SCD5: variants seen among roughly 807,000 people sequenced by gnomAD.
SCD5 encodes stearoyl-CoA desaturase 5, also known as acyl-CoA-desaturase 4.
Under a neutral mutation model 30.4 loss-of-function variants are expected in SCD5, and 20 were observed. That is an observed-to-expected ratio of 0.66 (90% CI 0.46 to 0.96). The LOEUF (loss-of-function observed/expected upper bound fraction) is 0.96, where lower values mean the gene tolerates loss of function less well. Among genes scored for constraint, SCD5 ranks in the 40% least tolerant of loss-of-function variants. SCD5 has a pLI of 0.00. For synonymous variants in SCD5, 173 were observed against 176.4 expected (o/e 0.98, Z 0.16); for missense variants, 381 against 443.3 (o/e 0.86, Z 1.26).
intron 1 of SCD5, among the ~76,000 whole-genome samples, chr4:82,774,088 CAA>C (rs61709785): frequency 0.14 from 12,820 of 91,354 alleles, 548 homozygotes; most frequent in East Asian, 0.19. Context: ...GACTCCATCT[CAA>C]AAAAAAAAAA....
chr4:82,735,517 GATACACGACA>G, intron 1 of SCD5, among the ~76,000 whole-genome samples: 1 of 152,310 alleles, frequency 6.6e-6, no homozygotes, highest in Non-Finnish European at 1.5e-5. Context: ...TAATCCTACA[GATACACGACA>G]ATAAACGACG....
chr4:82,795,195 G>A (rs756502718), intron 1 of SCD5, among the ~76,000 whole-genome samples: 4 of 152,204 alleles, frequency 2.6e-5, no homozygotes, highest in Non-Finnish European at 5.9e-5. Context: ...CCTGCTGGGT[G>A]CACTGCATAG....
At chr4:82,707,909 T>C (rs1012448488) in intron 1 of SCD5, among the ~76,000 whole-genome samples, 2 of 152,220 alleles carry the variant, frequency 1.3e-5, no homozygotes, top group African/African-American at 2.4e-5. Context: ...AAAATAAATA[T>C]GTTTTGTTTT....
intron 2 of SCD5, among the ~76,000 whole-genome samples, chr4:82,693,980 G>A (rs893570032): frequency 2.6e-5 from 4 of 152,232 alleles, no homozygotes; most frequent in Admixed American, 6.5e-5. Flanking sequence ...GGCAGGGTGC[G>A]TGGCACCCTA....
At chr4:82,663,436 C>G (rs555853453) in intron 3 of SCD5, among the ~76,000 whole-genome samples, 1 of 152,150 alleles carries the variant, frequency 6.6e-6, no homozygotes, top group Admixed American at 6.5e-5. Flanking sequence ...GACCCAGGAC[C>G]CCCTCTGCCA....
intron 1 of SCD5, among the ~76,000 whole-genome samples, chr4:82,783,620 A>G (rs910524999): frequency 1.3e-5 from 2 of 152,136 alleles, no homozygotes; most frequent in African/African-American, 4.8e-5. Flanking sequence ...CCTGACCAAC[A>G]TGGAGAAACC....
chr4:82,746,270 A>G (rs1432612086), intron 1 of SCD5, among the ~76,000 whole-genome samples: 1 of 152,214 alleles, frequency 6.6e-6, no homozygotes, highest in African/African-American at 2.4e-5. Context: ...GAACCAGAGG[A>G]AAATACTCAA....
intron 1 of SCD5, among the ~76,000 whole-genome samples, chr4:82,732,265 G>C (rs992499167): frequency 5.3e-5 from 8 of 151,964 alleles, no homozygotes; most frequent in African/African-American, 1.9e-4. Context: ...GCTAATTTTT[G>C]TATGTTTTTA....
intron 1 of SCD5, among the ~76,000 whole-genome samples, chr4:82,761,756 G>A (rs1721375620): frequency 6.7e-6 from 1 of 149,850 alleles, no homozygotes; most frequent in Non-Finnish European, 1.5e-5. Context: ...ACAGTCCCCA[G>A]AGTGTGATAT....
At chr4:82,641,695 TCAAG>T (rs1727550701) in intron 3 of SCD5, among the ~76,000 whole-genome samples, 1 of 151,998 alleles carries the variant, frequency 6.6e-6, no homozygotes, top group Non-Finnish European at 1.5e-5. Context: ...TAATGGGGGA[TCAAG>T]TTTGGAGGGT....
At chr4:82,756,357 C>T (rs1227845501) in intron 1 of SCD5, among the ~76,000 whole-genome samples, 1 of 152,192 alleles carries the variant, frequency 6.6e-6, no homozygotes, top group Non-Finnish European at 1.5e-5. Context: ...CTGTGAGTCC[C>T]AGTTGGTTAC....
intron 1 of SCD5, among the ~76,000 whole-genome samples, chr4:82,789,443 G>A (rs1312272008): frequency 6.6e-6 from 1 of 152,210 alleles, no homozygotes; most frequent in Non-Finnish European, 1.5e-5. Context: ...ACCTGGAGAT[G>A]TCGTTAAAAT....
At chr4:82,676,159 T>C (rs938437946) in intron 3 of SCD5, among the ~76,000 whole-genome samples, 1 of 152,108 alleles carries the variant, frequency 6.6e-6, no homozygotes, top group African/African-American at 2.4e-5. Context: ...CACCATGAAA[T>C]GACACTGAGA....
chr4:82,760,020 A>G (rs1299704977), intron 1 of SCD5, among the ~76,000 whole-genome samples: 1 of 150,398 alleles, frequency 6.6e-6, no homozygotes, highest in Admixed American at 6.6e-5. Flanking sequence ...CTTTCTTTCC[A>G]CTCCTTCAAC....
chr4:82,766,798 C>A (rs1359969626), intron 1 of SCD5, among the ~76,000 whole-genome samples: 1 of 152,098 alleles, frequency 6.6e-6, no homozygotes, highest in Non-Finnish European at 1.5e-5. Flanking sequence ...TTTTTTCGGC[C>A]TCCAGAGTAG....
intron 1 of SCD5, among the ~76,000 whole-genome samples, chr4:82,754,788 G>GA (rs1721197993): frequency 6.6e-6 from 1 of 152,206 alleles, no homozygotes; most frequent in Admixed American, 6.5e-5. Context: ...GCCTGGGGAT[G>GA]AAGCTTTTAT....
At chr4:82,709,945 T>G (rs1720048289) in intron 1 of SCD5, among the ~76,000 whole-genome samples, 1 of 152,144 alleles carries the variant, frequency 6.6e-6, no homozygotes, top group African/African-American at 2.4e-5. Flanking sequence ...TCCTATGAGG[T>G]AGATATCATC....
At chr4:82,655,965 C>G (rs1727859678) in intron 3 of SCD5, among the ~76,000 whole-genome samples, 1 of 152,128 alleles carries the variant, frequency 6.6e-6, no homozygotes, top group Non-Finnish European at 1.5e-5. Context: ...AGCAGAACAT[C>G]AGCTGGTCAG....
chr4:82,730,232 A>ATTAT lies in SCD5; in HGVS notation c.233-24820_233-24819insATAA, dbSNP rs763488763. 1.5e-3 allele frequency among the ~76,000 whole-genome samples: 220 copies of ATTAT among 146,328 alleles called. 1 individual carries two copies. Among genetic ancestry groups the ATTAT allele is most frequent in the African/African-American group, 5.1e-3 (204 of 40,112 alleles). On this transcript the variant is annotated intron_variant, in intron 1 of 4. Transcript: ENST00000319540. ...ATAATACATATATTATATTATATAT[A>ATTAT]ATATTTAAAAACATATAATATATTA...
Sources: allele counts gnomAD v4.1 joint callset (sites outside exome capture counted in the v4.1 genomes callset), GRCh38; gene constraint gnomAD v4.1.1; transcripts MANE v1.5; gene names NCBI Gene and HGNC (gene_info 2026-07-23, HGNC 2026-07-21).